The following KIF13A variants were observed in gnomAD, a reference collection of about 807,000 sequenced individuals.
KIF13A encodes the protein kinesin family member 13A.
A neutral mutation model predicts 212.2 loss-of-function variants in KIF13A; 79 were observed. The ratio of observed to expected loss-of-function variants is 0.37; its 90% CI spans 0.31 to 0.45. The LOEUF is 0.45. KIF13A is among the 20% of genes least tolerant of loss of function. The pLI is 1.00. For synonymous variants in KIF13A, 789 were observed against 808.6 expected (o/e 0.98, Z 0.41); for missense variants, 1,901 against 2,209.0 (o/e 0.86, Z 2.79).
intron 4 of KIF13A, among the ~76,000 whole-genome samples, chr6:17,860,857 T>C (rs1768700315): frequency 6.6e-6 from 1 of 152,170 alleles, no homozygotes; most frequent in African/African-American, 2.4e-5. Context: ...CTTTGTTAAA[T>C]AAGCCAATGG....
intron 3 of KIF13A, among the ~76,000 whole-genome samples, chr6:17,880,322 A>T (rs1276032361): frequency 6.6e-6 from 1 of 151,978 alleles, no homozygotes; most frequent in Non-Finnish European, 1.5e-5. Context: ...TACTAGAAAA[A>T]TGTTATTTAA....
chr6:17,976,812 A>AG (rs999174546), intron 2 of KIF13A, among the ~76,000 whole-genome samples: 1 of 151,874 alleles, frequency 6.6e-6, no homozygotes, highest in African/African-American at 2.4e-5. Flanking sequence ...AAAAAAAAAA[A>AG]AAAAAAAGAG....
intron 12 of KIF13A, 73 bp downstream of exon 12, chr6:17,833,888 G>C (rs1765690701): frequency 3.5e-6 from 2 of 573,528 alleles, no homozygotes. Flanking sequence ...TTCTGAAGAT[G>C]ACAGCAAACT....
intron 2 of KIF13A, among the ~76,000 whole-genome samples, chr6:17,935,422 C>T (rs1776370425): frequency 6.6e-6 from 1 of 152,072 alleles, no homozygotes; most frequent in African/African-American, 2.4e-5. Context: ...TGGAGTGGCT[C>T]AGTTCAGAGA....
intron 34 of KIF13A, among the ~76,000 whole-genome samples, chr6:17,775,442 A>G (rs1196783479): frequency 6.6e-6 from 1 of 152,188 alleles, no homozygotes; most frequent in Non-Finnish European, 1.5e-5. Flanking sequence ...GTATATATCT[A>G]AGGGATGTAA....
Position 17,984,582 on chromosome 6 carries a change from T to A in KIF13A, c.146+2472A>T. 1.0e-6 allele frequency: 1 copy of A among 980,708 alleles called. No individual in the cohort carries two copies. Among genetic ancestry groups the A allele is most frequent in the Non-Finnish European group, 1.2e-6 (1 of 825,880 alleles). The allele number at this position is 980,708 out of a possible 1,614,324, so 60.8% of individuals were successfully genotyped here. A position where few individuals can be genotyped will look rare whatever the true frequency, so the allele number is the denominator to read the frequency against. ...GGGGAAACAATGAAAGCTGACCCCA[T>A]CTGTTTTTTTTTTTTTTCCCTGGAC... is the stretch of plus-strand genomic sequence containing the variant. On this transcript the variant is annotated intron_variant, in intron 2 of 38. Transcript: ENST00000259711. The surrounding 1 kb of genome is among the most constrained non-coding windows in gnomAD (Gnocchi z 5.0).
At chr6:17,761,677 TC>T (rs1758591810), downstream of KIF13A, among the ~76,000 whole-genome samples, 1 of 151,794 alleles carries the variant, frequency 6.6e-6, no homozygotes, top group African/African-American at 2.4e-5. Flanking sequence ...GCCACTGCGC[TC>T]CGCTAAAAAC....
rs1026770351 is a variant in KIF13A at position 17,773,688 on chromosome 6, CTTCT to C, written c.4219-109_4219-106del. On this transcript the variant is annotated intron_variant, in intron 35 of 38. Transcript: ENST00000259711. This position sits in a 1 kb window ranked among gnomAD's most constrained non-coding sequence, Gnocchi z 4.2. ...TTTTTTTTTAATGGCAGCATATGCT[CTTCT>C]TTATTTTTATTATGATTTATTTCAA... 3.6e-5 allele frequency: 19 copies of C among 534,568 alleles called. No individual in the cohort carries two copies. Among genetic ancestry groups the C allele is most frequent in the East Asian group, 2.6e-4 (9 of 34,744 alleles). The allele number at this position is 534,568 out of a possible 1,614,324, so 33.1% of individuals were successfully genotyped here.
downstream of KIF13A, among the ~76,000 whole-genome samples, chr6:17,763,238 A>G (rs1002974543): frequency 2.0e-5 from 3 of 152,180 alleles, no homozygotes; most frequent in African/African-American, 7.2e-5. Flanking sequence ...TAATCCCAAC[A>G]CTTTGGGAGG....
At position 17,764,420 on chromosome 6, in the gene KIF13A, T is replaced by C. The variant is rs1308784030; in HGVS notation, c.5108A>G (p.Asp1703Gly). Residue 1703 changes from aspartate to glycine, a missense_variant, in exon 39 of 39, where the codon GAT becomes GGT. Physicochemically the swap from Asp to Gly is moderately conservative, Grantham distance 94 (BLOSUM62 -1). This residue lies in a region of KIF13A where 687 missense variants were observed against 759.1 expected (regional missense o/e 0.90). Coordinates refer to ENST00000259711, the MANE Select transcript of KIF13A (RefSeq NM_022113.6). This position sits in a 1 kb window ranked among gnomAD's most constrained non-coding sequence, Gnocchi z 5.1. ...LCRTGSCSEL[D>G]ACPSKISQPA... ...CTGGCTAATTTTGCTGGGGCAGGCA[T>C]CTAGTTCTGAACATGAGCCAGTCCT... 1 of 1,614,016 alleles carries C rather than the reference T, an allele frequency of 6.2e-7. No homozygotes were observed. Among genetic ancestry groups the C allele is most frequent in the Non-Finnish European group, 8.5e-7 (1 of 1,179,884 alleles).
chr6:17,951,426 C>T lies in KIF13A; in HGVS notation c.146+35628G>A, dbSNP rs1777834226. On this transcript the variant is annotated intron_variant, in intron 2 of 38. Coordinates refer to ENST00000259711, the MANE Select transcript of KIF13A (RefSeq NM_022113.6). The surrounding 1 kb of genome is among the most constrained non-coding windows in gnomAD (Gnocchi z 4.9). ...AATTAGAGATGTGAGCCACTGTGAC[C>T]AGCCTCAATTTAAAAAAAAAAAAAA... The T allele has an allele frequency of 1.8e-6, 1 of 559,164 alleles. No individual in the cohort carries two copies. Among genetic ancestry groups the T allele is most frequent in the Non-Finnish European group, 3.2e-6 (1 of 315,492 alleles). The allele number at this position is 559,164 out of a possible 1,614,324, so 34.6% of individuals were successfully genotyped here. A position where few individuals can be genotyped will look rare whatever the true frequency, so the allele number is the denominator to read the frequency against.
intron 22 of KIF13A, among the ~76,000 whole-genome samples, chr6:17,798,068 T>C (rs567774991): frequency 6.6e-6 from 1 of 152,216 alleles, no homozygotes; most frequent in East Asian, 1.9e-4. Context: ...TGACTCTAAT[T>C]TGCAGAAACA....
At chr6:17,959,237 A>G (rs1166504020) in intron 2 of KIF13A, among the ~76,000 whole-genome samples, 2 of 152,198 alleles carry the variant, frequency 1.3e-5, no homozygotes. Context: ...CAAAACTGAC[A>G]TCATGCCTGA....
chr6:17,869,131 G>T (rs1769766020), intron 4 of KIF13A, among the ~76,000 whole-genome samples: 1 of 151,896 alleles, frequency 6.6e-6, no homozygotes, highest in Non-Finnish European at 1.5e-5. Context: ...ACAGCTGTGT[G>T]GCCAACATAA....
chr6:17,775,529 A>T (rs1759879822), intron 34 of KIF13A, among the ~76,000 whole-genome samples: 1 of 152,210 alleles, frequency 6.6e-6, no homozygotes, highest in Non-Finnish European at 1.5e-5. Flanking sequence ...ATCTTACAAA[A>T]AATTCTGTTG....
At chr6:17,823,124 C>T (rs1764616904) in intron 16 of KIF13A, among the ~76,000 whole-genome samples, 1 of 151,924 alleles carries the variant, frequency 6.6e-6, no homozygotes, top group African/African-American at 2.4e-5. Context: ...GCAACCTCCA[C>T]CTCCCGGGTT....
Position 17,778,995 on chromosome 6 carries a change from T to C in KIF13A, c.4044A>G (p.Arg1348=). The C allele has an allele frequency of 1.2e-6, 2 of 1,612,802 alleles. No homozygotes were observed. Among genetic ancestry groups the C allele is most frequent in the Non-Finnish European group, 1.7e-6 (2 of 1,179,472 alleles). The part of the protein sequence containing the change: ...DGETYIEKYT[R]GVLQVENILS... The stretch of plus-strand genomic sequence containing the variant: ...GAATGTTTTCCACCTGCAGCACGCC[T>C]CGAGTGTACTTCTCAATGTACGTCT... Residue 1348 remains arginine (R), a synonymous_variant, in exon 33 of 39, where the codon CGA becomes CGG. Transcript: ENST00000259711.
chr6:17,959,320 C>A (rs1028763728), intron 2 of KIF13A, among the ~76,000 whole-genome samples: 2 of 152,162 alleles, frequency 1.3e-5, no homozygotes, highest in Admixed American at 1.3e-4. Flanking sequence ...CATGCCCATA[C>A]AAAGCAATGC....
At chr6:17,860,888 C>T (rs576734754) in intron 4 of KIF13A, among the ~76,000 whole-genome samples, 7 of 152,268 alleles carry the variant, frequency 4.6e-5, no homozygotes, top group East Asian at 1.9e-4. Flanking sequence ...AATGCGTCAA[C>T]ACACTATGTA....
Sources: gnomAD v4.1 joint callset for allele counts (sites outside exome capture counted in the v4.1 genomes callset) on GRCh38, gnomAD v4.1.1 for gene constraint, gnomAD v4.1.1 regional missense constraint, Gnocchi (gnomAD v3.1) non-coding constraint, MANE v1.5 for transcripts, NCBI Gene and HGNC (gene_info 2026-07-23, HGNC 2026-07-21) for gene names.